Variants in SH3GL3 observed in about 807,000 individuals in gnomAD.
The protein encoded by SH3GL3 is SH3 domain containing GRB2 like 3, endophilin A3.
Under a neutral mutation model 47.7 loss-of-function variants are expected in SH3GL3, and 33 were observed. That is an observed-to-expected ratio of 0.69 (90% CI 0.52 to 0.92). SH3GL3 has a LOEUF of 0.92. Among genes scored for constraint, SH3GL3 ranks in the 40% least tolerant of loss-of-function variants. The pLI is 0.00. For synonymous variants in SH3GL3, 155 were observed against 148.8 expected, an observed-to-expected ratio of 1.04 and a Z score of -0.30; for missense variants, 363 against 417.8, an observed-to-expected ratio of 0.87 and a Z score of 1.14.
intron 1 of SH3GL3, among the ~76,000 whole-genome samples, chr15:83,556,495 T>G (rs2044966619): frequency 6.6e-6 from 1 of 152,212 alleles, no homozygotes. Context: ...ACTCCTTCTA[T>G]TAGACATTTT....
At chr15:83,505,277 T>A (rs2042450313) in intron 1 of SH3GL3, among the ~76,000 whole-genome samples, 1 of 152,134 alleles carries the variant, frequency 6.6e-6, no homozygotes, top group Admixed American at 6.5e-5. Flanking sequence ...GCATCTTCAC[T>A]TTTTCTTTAA....
rs1258203824 is a variant in SH3GL3, at chr15:83,559,278, C to T, written c.71C>T (p.Ala24Val). Residue 24 changes from alanine to valine, a missense_variant, in exon 2 of 9, where the codon GCT (alanine) becomes GTT (valine). Ala to Val is a moderately conservative substitution (Grantham distance 64). Coordinates refer to ENST00000427482, the MANE Select transcript of SH3GL3 (RefSeq NM_003027.5). ...SQLFSEKISGAEGTKLDDEFL... is the reference protein window; with the variant it reads ...SQLFSEKISGVEGTKLDDEFL... ...CTATTTAGTGAAAAAATAAGTGGTG[C>T]TGAAGGAACTAAACTAGACGATGAA... 16 of 1,587,350 alleles carry T rather than the reference C, an allele frequency of 1.0e-5. No individual in the cohort carries two copies. Among genetic ancestry groups the T allele is most frequent in the Non-Finnish European group, 1.4e-5 (16 of 1,155,682 alleles).
chr15:83,486,528 G>T (rs1211306251), intron 1 of SH3GL3, among the ~76,000 whole-genome samples: 1 of 152,082 alleles, frequency 6.6e-6, no homozygotes. Flanking sequence ...CTTTTACTTA[G>T]CACAGTGTTT....
At chr15:83,527,707 T>A (rs1567304618) in intron 1 of SH3GL3, among the ~76,000 whole-genome samples, 1 of 152,186 alleles carries the variant, frequency 6.6e-6, no homozygotes, top group African/African-American at 2.4e-5. Context: ...CTGTTTACTT[T>A]CAAGGTTATT....
chr15:83,522,043 A>G (rs1011812885), intron 1 of SH3GL3, among the ~76,000 whole-genome samples: 8 of 152,094 alleles, frequency 5.3e-5, no homozygotes, highest in Non-Finnish European at 1.0e-4. Context: ...GGAGGGAAAT[A>G]GTGGGTTCAG....
At chr15:83,559,389 T>C (rs887936920) in intron 2 of SH3GL3, 68 bp downstream of exon 2, 11 of 851,074 alleles carry the variant, frequency 1.3e-5, no homozygotes, top group Non-Finnish European at 2.0e-5. Context: ...TATACTGCTA[T>C]TGTAAAGGAT....
At chr15:83,597,640 G>A (rs183908098) in intron 8 of SH3GL3, among the ~76,000 whole-genome samples, 13 of 148,366 alleles carry the variant, frequency 8.8e-5, no homozygotes, top group African/African-American at 2.2e-4. Flanking sequence ...ATGGAGTTTC[G>A]CTCTTGTCAC....
At chr15:83,461,871 A>T (rs1409622054) in intron 1 of SH3GL3, among the ~76,000 whole-genome samples, 1 of 152,188 alleles carries the variant, frequency 6.6e-6, no homozygotes, top group African/African-American at 2.4e-5. Flanking sequence ...TGATAAAACT[A>T]ACTTATTTTA....
rs1896805 is a variant in SH3GL3, at chr15:83,560,408, T to A, written c.114+1087T>A. Among the ~76,000 whole-genome samples the A allele has an allele frequency of 9.2e-3, 1,407 of 152,352 alleles. 15 individuals are homozygous for A. Among genetic ancestry groups the A allele is most frequent in the Non-Finnish European group, 0.014 (966 of 68,036 alleles). On this transcript the variant is annotated intron_variant, in intron 2 of 8. Coordinates refer to ENST00000427482, the MANE Select transcript of SH3GL3 (RefSeq NM_003027.5). ...TTGTTTTTGCTTTTGAAAGAAAACT[T>A]AATTTCTGAACCTTAAAACCATGGA... is the stretch of plus-strand genomic sequence containing the variant.
chr15:83,464,052 G>A (rs546101031), intron 1 of SH3GL3, among the ~76,000 whole-genome samples: 3 of 152,200 alleles, frequency 2.0e-5, no homozygotes, highest in South Asian at 2.1e-4. Flanking sequence ...CTGAGCCACC[G>A]CGCCAGGCCC....
At chr15:83,501,405 TA>T (rs1007141841) in intron 1 of SH3GL3, among the ~76,000 whole-genome samples, 3 of 152,084 alleles carry the variant, frequency 2.0e-5, no homozygotes, top group Non-Finnish European at 2.9e-5. Flanking sequence ...CTTATATATT[TA>T]AAAAAAATTC....
intron 1 of SH3GL3, among the ~76,000 whole-genome samples, chr15:83,477,535 T>C (rs1294013547): frequency 2.6e-5 from 4 of 152,214 alleles, no homozygotes; most frequent in Admixed American, 2.0e-4. Context: ...CATCATCATA[T>C]TCTTTTAAAA....
At chr15:83,555,428 A>G (rs2044898238) in intron 1 of SH3GL3, among the ~76,000 whole-genome samples, 1 of 152,040 alleles carries the variant, frequency 6.6e-6, no homozygotes, top group East Asian at 1.9e-4. Context: ...GTGCCTTGGA[A>G]TTTAGATCTA....
Position 83,585,586 on chromosome 15 carries a change from A to G in SH3GL3, c.625-1397A>G, listed in dbSNP as rs1486271912. 3.9e-5 allele frequency among the ~76,000 whole-genome samples: 6 copies of G among 152,348 alleles called. No individual in the cohort carries two copies. In the South Asian group the frequency reaches 8.3e-4, roughly 21 times the overall value. On this transcript the variant is annotated intron_variant, in intron 6 of 8. Coordinates refer to ENST00000427482, the MANE Select transcript of SH3GL3 (RefSeq NM_003027.5). ...AATTCTACTACGATCGTGCTAGGCC[A>G]TGGCCCTGGACTTATTTAAAAGTAC... is the stretch of plus-strand genomic sequence containing the variant.
intron 1 of SH3GL3, among the ~76,000 whole-genome samples, chr15:83,514,329 A>T (rs1055790038): frequency 7.2e-5 from 11 of 152,266 alleles, no homozygotes; most frequent in Middle Eastern, 3.4e-3. Flanking sequence ...GGAAATACAC[A>T]ATGAAATGTT....
chr15:83,464,898 A>G (rs559403349), intron 1 of SH3GL3, among the ~76,000 whole-genome samples: 69 of 151,990 alleles, frequency 4.5e-4, no homozygotes, highest in African/African-American at 1.6e-3. Flanking sequence ...AGTGGCTCAC[A>G]CCTGTAATCC....
intron 1 of SH3GL3, among the ~76,000 whole-genome samples, chr15:83,504,540 A>G (rs967967546): frequency 1.3e-5 from 2 of 152,210 alleles, no homozygotes; most frequent in Non-Finnish European, 2.9e-5. Flanking sequence ...CTCTGGGGGA[A>G]GCCAGTTGCC....
intron 8 of SH3GL3, among the ~76,000 whole-genome samples, chr15:83,598,697 A>G (rs11636837): frequency 0.12 from 18,751 of 152,184 alleles, 1,490 homozygotes; most frequent in South Asian, 0.25. Flanking sequence ...CTTTTTTTCA[A>G]TTCTCTTATA....
intron 1 of SH3GL3, among the ~76,000 whole-genome samples, chr15:83,462,278 C>T (rs1602540): frequency 0.18 from 27,709 of 152,192 alleles, 2,910 homozygotes; most frequent in South Asian, 0.45. Flanking sequence ...AACAAGACAT[C>T]ATAATGAGAT....
Sources: allele counts gnomAD v4.1 joint callset (sites outside exome capture counted in the v4.1 genomes callset), GRCh38; gene constraint gnomAD v4.1.1; transcripts MANE v1.5; gene names NCBI Gene and HGNC (gene_info 2026-07-23, HGNC 2026-07-21).